STIL: variants seen among roughly 807,000 people sequenced by gnomAD.
STIL encodes the protein SCL-interrupting locus protein.
In STIL, 55 loss-of-function variants were observed where a neutral mutation model predicts 110.1. The ratio of observed to expected loss-of-function variants is 0.50; its 90% CI spans 0.40 to 0.63. The LOEUF (loss-of-function observed/expected upper bound fraction) is 0.63, where lower values mean the gene tolerates loss of function less well. STIL is among the 20% of genes least tolerant of loss of function. STIL has a pLI of 0.00. For synonymous variants in STIL, 481 were observed against 530.0 expected, an observed-to-expected ratio of 0.91 and a Z score of 1.27; for missense variants, 1,358 against 1,530.0, an observed-to-expected ratio of 0.89 and a Z score of 1.87.
chr1:47,252,181 G>T (rs946264144), intron 16 of STIL, among the ~76,000 whole-genome samples: 1 of 152,106 alleles, frequency 6.6e-6, no homozygotes, highest in Non-Finnish European at 1.5e-5. Context: ...AGGAGTTCAA[G>T]ATCAGCCTAG....
chr1:47,299,812 T>C, intron 6 of STIL, 93 bp downstream of exon 6: 1 of 1,342,316 alleles, frequency 7.4e-7, no homozygotes, highest in African/African-American at 1.4e-5. Context: ...ATCTCTGGCA[T>C]ATAAATTGAC....
At position 47,295,864 on chromosome 1, in the gene STIL, T is replaced by G. The variant is rs779402795; in HGVS notation, c.702-16A>C. 2 of 1,579,052 alleles carry G rather than the reference T, an allele frequency of 1.3e-6. No individual in the cohort carries two copies. Among genetic ancestry groups the G allele is most frequent in the East Asian group, 4.5e-5 (2 of 44,554 alleles). On this transcript the variant is annotated splice_polypyrimidine_tract_variant and intron_variant, in intron 6 of 16. Transcript: ENST00000371877. Reference sequence around the variant, plus strand: ...GGTAAGATATCTAAACAGAAGACATTCATGTGAAAATAACTGAAATTATGT... The same window carrying G: ...GGTAAGATATCTAAACAGAAGACATGCATGTGAAAATAACTGAAATTATGT...
rs1330180252 is a variant in STIL at position 47,259,143 on chromosome 1, C to T, written c.3080+1146G>A. Among the ~76,000 whole-genome samples the T allele has an allele frequency of 8.6e-5, 13 of 151,374 alleles. No homozygotes were observed. In the East Asian group the frequency reaches 1.8e-3, roughly 20 times the overall value. Reference sequence around the variant, plus strand: ...CTGGGACTACAGGCGCCCACCACCACGCTCAGCTAATTTTTTGTATTTTTA... The same window carrying T: ...CTGGGACTACAGGCGCCCACCACCATGCTCAGCTAATTTTTTGTATTTTTA... On this transcript the variant is annotated intron_variant, in intron 16 of 16. Transcript: ENST00000371877.
At chr1:47,288,606 A>G (rs1645377313) in intron 9 of STIL, among the ~76,000 whole-genome samples, 1 of 151,922 alleles carries the variant, frequency 6.6e-6, no homozygotes, top group Non-Finnish European at 1.5e-5. Flanking sequence ...CTAAAGATCT[A>G]CTTTTTCTAT....
intron 1 of STIL, 35 bp from the exon 2 acceptor site, chr1:47,310,397 T>C: frequency 3.0e-6 from 4 of 1,350,560 alleles, no homozygotes; most frequent in Non-Finnish European, 4.2e-6. Context: ...TAATGAATGA[T>C]AAAAACAAAG....
intron 2 of STIL, among the ~76,000 whole-genome samples, chr1:47,307,027 T>C (rs1466291017): frequency 6.6e-6 from 1 of 152,138 alleles, no homozygotes; most frequent in Non-Finnish European, 1.5e-5. Flanking sequence ...GCCACGCGCC[T>C]CTGGTCCCAG....
At chr1:47,259,511 G>A (rs1038292259) in intron 16 of STIL, among the ~76,000 whole-genome samples, 1 of 151,152 alleles carries the variant, frequency 6.6e-6, no homozygotes, top group African/African-American at 2.4e-5. Context: ...GGCTGGTCTC[G>A]AACTCCTGAC....
intron 12 of STIL, among the ~76,000 whole-genome samples, chr1:47,279,565 C>A (rs887254589): frequency 2.6e-5 from 4 of 151,822 alleles, no homozygotes; most frequent in Admixed American, 2.6e-4. Context: ...CCCGTCTCTA[C>A]TAAAAATACA....
chr1:47,256,388 C>T (rs534315481), intron 16 of STIL, among the ~76,000 whole-genome samples: 10 of 151,792 alleles, frequency 6.6e-5, no homozygotes, highest in Non-Finnish European at 1.3e-4. Flanking sequence ...TTTGGGAGGC[C>T]GAGACTGGCA....
chr1:47,289,194 C>T (rs1055953884), intron 9 of STIL, among the ~76,000 whole-genome samples: 5 of 151,564 alleles, frequency 3.3e-5, no homozygotes, highest in Admixed American at 6.6e-5. Context: ...AAAACATGGG[C>T]AAGTTATTCT....
chr1:47,252,778 TACACACACACACACACACACAC>T (rs3043070), intron 16 of STIL, among the ~76,000 whole-genome samples: 11 of 140,112 alleles, frequency 7.9e-5, no homozygotes, highest in South Asian at 2.4e-4. Context: ...TATGGGCTTA[TACACACACACACACACACACAC>T]ACACACACAC....
chr1:47,302,389 T>C (rs1351398023), intron 3 of STIL, 43 bp from the exon 4 acceptor site: 1 of 1,457,214 alleles, frequency 6.9e-7, no homozygotes, highest in Middle Eastern at 1.7e-4. Flanking sequence ...AGACCTCATA[T>C]CTTAAAAAAA....
chr1:47,312,631 T>C (rs1244269376), intron 1 of STIL, among the ~76,000 whole-genome samples: 2 of 152,238 alleles, frequency 1.3e-5, no homozygotes, highest in Non-Finnish European at 1.5e-5. Context: ...AAAGTGCCAA[T>C]TTTTTCTTCA....
At chr1:47,265,246 A>AAAAC (rs1644607107) in intron 14 of STIL, among the ~76,000 whole-genome samples, 1 of 150,354 alleles carries the variant, frequency 6.7e-6, no homozygotes, top group Non-Finnish European at 1.5e-5. Flanking sequence ...CCAAAAAAAA[A>AAAAC]AAAAAAAAAA....
chr1:47,278,757 G>A (rs1645061407), intron 12 of STIL, among the ~76,000 whole-genome samples: 1 of 151,726 alleles, frequency 6.6e-6, no homozygotes, highest in Non-Finnish European at 1.5e-5. Flanking sequence ...CTTGAGCTGA[G>A]GAGTTCAAGA....
intron 14 of STIL, among the ~76,000 whole-genome samples, chr1:47,268,291 C>A (rs1644713474): frequency 6.6e-6 from 1 of 151,524 alleles, no homozygotes; most frequent in African/African-American, 2.4e-5. Context: ...ACTAAAAATA[C>A]AAAAATTAGC....
rs113209638 is a variant in STIL at position 47,293,488 on chromosome 1, C to T, written c.842G>A (p.Arg281Gln). The T allele has an allele frequency of 1.1e-5, 18 of 1,613,228 alleles. No individual in the cohort carries two copies. The highest frequency in any genetic ancestry group is 1.7e-5 in the Admixed American group (1 of 59,972). The change falls in exon 8 of 17, where the codon CGA (arginine) becomes CAA (glutamine). Residue 281 changes from arginine (R) to glutamine (Q), a missense_variant. Physicochemically the swap from Arg to Gln is conservative, Grantham distance 43. Transcript: ENST00000371877. ...YSPQVWACCL[R>Q]YIFNSSVQER... is the part of the protein sequence containing the mutation. ...TTGAACAGAAGAATTGAATATGTAT[C>T]GCAAACAGCAAGCCCATACCTGAGG... is the stretch of plus-strand genomic sequence containing the variant.
rs35801422 is a variant in STIL, at chr1:47,285,020, CTTTTTTT to C, written c.1133+2524_1133+2530del. The stretch of plus-strand genomic sequence containing the variant: ...CAGCCTACCTGTAGACATTTTTTGT[CTTTTTTT>C]TTTTTTTTTTCTTTGAGACAGGGTC... On this transcript the variant is annotated intron_variant, in intron 10 of 16. Transcript: ENST00000371877. Among the ~76,000 whole-genome samples, 5 of 134,694 alleles carry C rather than the reference CTTTTTTT, an allele frequency of 3.7e-5. No homozygotes were observed. In the South Asian group the frequency reaches 7.0e-4, roughly 19 times the overall value. 88.4% of individuals were successfully genotyped at this position (134,694 alleles called of 152,430 possible).
intron 16 of STIL, 76 bp from the exon 17 acceptor site, chr1:47,251,998 T>A: frequency 6.9e-7 from 1 of 1,447,024 alleles, no homozygotes; most frequent in South Asian, 1.3e-5. Flanking sequence ...TTCCATTCTA[T>A]ACAAGCAACA....
Sources: gnomAD v4.1 joint callset for allele counts (sites outside exome capture counted in the v4.1 genomes callset) on GRCh38, gnomAD v4.1.1 for gene constraint, MANE v1.5 for transcripts, NCBI Gene and HGNC (gene_info 2026-07-23, HGNC 2026-07-21) for gene names.